CAMK2D: variants seen among roughly 807,000 people sequenced by gnomAD.
The protein encoded by CAMK2D is calcium/calmodulin-dependent protein kinase type II subunit delta.
Under a neutral mutation model 84.0 loss-of-function variants are expected in CAMK2D, and 37 were observed. The ratio of observed to expected loss-of-function variants is 0.44; its 90% CI spans 0.34 to 0.58. The LOEUF is 0.58. Among genes scored for constraint, CAMK2D ranks in the 20% least tolerant of loss-of-function variants. The probability of loss-of-function intolerance (pLI) is 0.02; values close to 1 mark genes in which losing one functional copy is unlikely to be tolerated. For synonymous variants in CAMK2D, 202 were observed against 212.5 expected (o/e 0.95, Z 0.43); for missense variants, 448 against 652.5 (o/e 0.69, Z 3.41).
At chr4:113,632,429 G>T (rs2154287793) in intron 3 of CAMK2D, among the ~76,000 whole-genome samples, 1 of 152,004 alleles carries the variant, frequency 6.6e-6, no homozygotes, top group East Asian at 1.9e-4. Flanking sequence ...CATTATGTTG[G>T]TCAGGCTGGT....
intron 3 of CAMK2D, among the ~76,000 whole-genome samples, chr4:113,624,226 T>C (rs754893506): frequency 2.0e-4 from 31 of 152,314 alleles, no homozygotes; most frequent in African/African-American, 6.7e-4. Flanking sequence ...AGATTTGATA[T>C]GTAACAGGTA....
intron 16 of CAMK2D, among the ~76,000 whole-genome samples, chr4:113,497,027 G>T (rs769548028): frequency 9.9e-5 from 15 of 151,180 alleles, no homozygotes; most frequent in Non-Finnish European, 1.9e-4. Context: ...AAATGTTGAA[G>T]GTTTTTAAGA....
intron 2 of CAMK2D, among the ~76,000 whole-genome samples, chr4:113,684,101 G>A (rs779899917): frequency 6.6e-6 from 1 of 152,204 alleles, no homozygotes; most frequent in Non-Finnish European, 1.5e-5. Flanking sequence ...AGACAAAACT[G>A]CTGGCTATGA....
At chr4:113,604,790 T>C (rs1349920219) in intron 4 of CAMK2D, among the ~76,000 whole-genome samples, 1 of 152,206 alleles carries the variant, frequency 6.6e-6, no homozygotes, top group Non-Finnish European at 1.5e-5. Context: ...TTCTAAAAAA[T>C]GATACAAGAA....
At chr4:113,696,187 GACAC>G (rs1377743443) in intron 2 of CAMK2D, among the ~76,000 whole-genome samples, 3 of 68,756 alleles carry the variant, frequency 4.4e-5, no homozygotes, top group Non-Finnish European at 8.6e-5. Context: ...CAGACACACA[GACAC>G]ACAGACACAC....
intron 4 of CAMK2D, among the ~76,000 whole-genome samples, chr4:113,566,831 T>C (rs2098726856): frequency 6.6e-6 from 1 of 152,174 alleles, no homozygotes; most frequent in Non-Finnish European, 1.5e-5. Context: ...CATCAGCCCC[T>C]AGTTACGCAC....
At chr4:113,488,003 G>C (rs1298828895) in intron 16 of CAMK2D, among the ~76,000 whole-genome samples, 3 of 151,774 alleles carry the variant, frequency 2.0e-5, no homozygotes, top group Non-Finnish European at 4.4e-5. Flanking sequence ...TATGTAACTT[G>C]CTCAAATATA....
intron 16 of CAMK2D, among the ~76,000 whole-genome samples, chr4:113,499,128 A>G (rs1403500634): frequency 6.6e-6 from 1 of 152,208 alleles, no homozygotes; most frequent in Admixed American, 6.5e-5. Context: ...AATCAGTGGG[A>G]AAGCTAAATG....
At chr4:113,648,103 A>G (rs1674266398) in intron 3 of CAMK2D, among the ~76,000 whole-genome samples, 2 of 152,214 alleles carry the variant, frequency 1.3e-5, no homozygotes, top group South Asian at 4.1e-4. Context: ...TACTTTTCTA[A>G]GAGTATAAAT....
At chr4:113,531,994 T>C (rs2098461609) in intron 7 of CAMK2D, among the ~76,000 whole-genome samples, 1 of 152,162 alleles carries the variant, frequency 6.6e-6, no homozygotes, top group South Asian at 2.1e-4. Context: ...TAAAAATAAC[T>C]ATCCTCATTT....
chr4:113,462,917 A>G (rs973421040), intron 17 of CAMK2D, among the ~76,000 whole-genome samples: 3 of 152,190 alleles, frequency 2.0e-5, no homozygotes. Flanking sequence ...TCTAACAAGG[A>G]TATAACAGCA....
chr4:113,525,267 A>G (rs2098407630), intron 8 of CAMK2D, among the ~76,000 whole-genome samples: 1 of 152,194 alleles, frequency 6.6e-6, no homozygotes, highest in Admixed American at 6.5e-5. Context: ...AAGTAGCAAG[A>G]CAACACATAT....
chr4:113,702,019 A>G (rs1237234691), intron 2 of CAMK2D, among the ~76,000 whole-genome samples: 1 of 152,158 alleles, frequency 6.6e-6, no homozygotes, highest in Non-Finnish European at 1.5e-5. Flanking sequence ...AGTTCTTTGA[A>G]GGGGGATCTG....
intron 3 of CAMK2D, among the ~76,000 whole-genome samples, chr4:113,651,300 A>C (rs2099171160): frequency 6.6e-6 from 1 of 152,204 alleles, no homozygotes. Context: ...GATTTTGTTA[A>C]ACTGATGTAC....
In CAMK2D at chr4:113,761,724, C is replaced by T. The variant is rs1165678189; in HGVS notation, c.-656G>A. 2.0e-5 allele frequency: 18 copies of T among 894,514 alleles called. No individual in the cohort carries two copies. The highest frequency in any genetic ancestry group is 2.4e-5 in the Non-Finnish European group (18 of 747,298). 55.4% of individuals were successfully genotyped at this position (894,514 alleles called of 1,614,324 possible). A position where few individuals can be genotyped will look rare whatever the true frequency, so the allele number is the denominator to read the frequency against. On this transcript the variant is annotated 5_prime_UTR_variant, in exon 1 of 21. Transcript: ENST00000511664. The stretch of plus-strand genomic sequence containing the variant: ...ACGAGCCCGCGCGGCTTCAAGACGG[C>T]GCGGCGAGAGAAAGAGCGCTCGGCT...
At position 113,500,511 on chromosome 4, in the gene CAMK2D, C is replaced by T; in HGVS notation, c.1087G>A (p.Glu363Lys). Residue 363 changes from glutamate (E) to lysine (K), a missense_variant and splice_region_variant, in exon 16 of 21, where the codon GAG (glutamate) becomes AAG (lysine). Coordinates refer to ENST00000511664, the MANE Select transcript of CAMK2D (RefSeq NM_001321571.2). ...GTTGTATTTGAACTCTCAGTTGACT[C>T]CTGATGAGAAGAAAACACATTTTTA... is the stretch of plus-strand genomic sequence containing the variant. Reference protein sequence around the residue: ...TVIHNPDGNKESTESSNTTIE... With the variant: ...TVIHNPDGNKKSTESSNTTIE... 6.3e-7 allele frequency: 1 copy of T among 1,592,468 alleles called. No individual in the cohort carries two copies. The highest frequency in any genetic ancestry group is 8.6e-7 in the Non-Finnish European group (1 of 1,164,148).
chr4:113,565,382 G>A (rs1256729994), intron 4 of CAMK2D, among the ~76,000 whole-genome samples: 1 of 152,174 alleles, frequency 6.6e-6, no homozygotes, highest in African/African-American at 2.4e-5. Context: ...TGGCCATGGT[G>A]GCTCACGCCT....
At chr4:113,689,046 C>T (rs1184800846) in intron 2 of CAMK2D, among the ~76,000 whole-genome samples, 1 of 151,658 alleles carries the variant, frequency 6.6e-6, no homozygotes, top group Non-Finnish European at 1.5e-5. Flanking sequence ...AGATCGAGAC[C>T]ATCCTGGCCA....
intron 2 of CAMK2D, among the ~76,000 whole-genome samples, chr4:113,726,859 A>AT (rs935461478): frequency 1.1e-3 from 162 of 152,028 alleles, no homozygotes; most frequent in African/African-American, 3.7e-3. Flanking sequence ...TTGGAAAACA[A>AT]TTTTTTTTGA....
Sources: gnomAD v4.1 joint callset for allele counts (sites outside exome capture counted in the v4.1 genomes callset) on GRCh38, gnomAD v4.1.1 for gene constraint, MANE v1.5 for transcripts, NCBI Gene and HGNC (gene_info 2026-07-23, HGNC 2026-07-21) for gene names.